The following DNAJA4 variants were observed in gnomAD, a reference collection of about 807,000 sequenced individuals.
The protein encoded by DNAJA4 is dnaJ homolog subfamily A member 4.
A neutral mutation model predicts 39.7 loss-of-function variants in DNAJA4; 32 were observed. That is an observed-to-expected ratio of 0.81 (90% CI 0.61 to 1.08). The LOEUF (loss-of-function observed/expected upper bound fraction) is 1.08. Among genes scored for constraint, DNAJA4 ranks in the 50% least tolerant of loss-of-function variants. The pLI is 0.00. For synonymous variants in DNAJA4, 184 were observed against 182.4 expected, an observed-to-expected ratio of 1.01 and a Z score of -0.07; for missense variants, 439 against 505.1, an observed-to-expected ratio of 0.87 and a Z score of 1.25.
At chr15:78,275,461 G>A in intron 4 of DNAJA4, 37 bp from the exon 5 acceptor site, 1 of 1,535,574 alleles carries the variant, frequency 6.5e-7, no homozygotes, top group Non-Finnish European at 9.0e-7. Flanking sequence ...TGGTTTGTAT[G>A]AGAAATGGCT....
chr15:78,271,634 C>T (rs1020599250), intron 2 of DNAJA4, among the ~76,000 whole-genome samples: 37 of 152,320 alleles, frequency 2.4e-4, no homozygotes, highest in Admixed American at 2.4e-3. Context: ...CTCAATGGCC[C>T]CAGGCCACTG....
Position 78,280,749 on chromosome 15 carries a change from T to C in DNAJA4, c.*289T>C. 1 of 287,506 alleles carries C rather than the reference T, an allele frequency of 3.5e-6. No individual in the cohort carries two copies. The highest frequency in any genetic ancestry group is 6.5e-6 in the Non-Finnish European group (1 of 153,328). The allele number at this position is 287,506 out of a possible 1,614,324, so 17.8% of individuals were successfully genotyped here. A position where few individuals can be genotyped will look rare whatever the true frequency, so the allele number is the denominator to read the frequency against. Reference sequence around the variant, plus strand: ...GAGATGTCAGTGATTGCACCAATACTTTGTGCTTCTAGTGGCTTTGCCATA... The same window carrying C: ...GAGATGTCAGTGATTGCACCAATACCTTGTGCTTCTAGTGGCTTTGCCATA... On this transcript the variant is annotated 3_prime_UTR_variant, in exon 7 of 7. Transcript: ENST00000394852.
At chr15:78,271,570 G>A (rs554854930) in intron 2 of DNAJA4, among the ~76,000 whole-genome samples, 3 of 152,338 alleles carry the variant, frequency 2.0e-5, no homozygotes, top group African/African-American at 7.2e-5. Flanking sequence ...AATGCATTAT[G>A]AGTAGTAGCA....
chr15:78,270,373 A>G (rs2049259925), intron 1 of DNAJA4, 124 bp from the exon 2 acceptor site: 1 of 976,066 alleles, frequency 1.0e-6, no homozygotes, highest in Admixed American at 2.3e-5. Context: ...GAGGATGTAT[A>G]GACTGGCTAG....
At position 78,280,356 on chromosome 15, in the gene DNAJA4, C is replaced by A. The variant is rs747653844; in HGVS notation, c.1090C>A (p.Leu364Met). The change falls in exon 7 of 7, where the codon CTG becomes ATG. Residue 364 changes from leucine (L) to methionine (M), a missense_variant. Transcript: ENST00000394852. ...RITDDMDQVE[L>M]KEFCPNEQNW... ...TACAGATGACATGGATCAGGTGGAG[C>A]TGAAGGAGTTTTGTCCCAATGAGCA... 1.8e-5 allele frequency: 29 copies of A among 1,614,102 alleles called. No homozygotes were observed. Among genetic ancestry groups the A allele is most frequent in the Middle Eastern group, 3.3e-4 (2 of 6,084 alleles).
intron 1 of DNAJA4, 77 bp downstream of exon 1, chr15:78,264,972 G>A (rs879818375): frequency 2.8e-6 from 4 of 1,420,822 alleles, no homozygotes; most frequent in Non-Finnish European, 2.8e-6. Flanking sequence ...GAAGGCGACG[G>A]GAAACCTGAG....
upstream of DNAJA4, chr15:78,264,434 G>A (rs561105081): frequency 8.2e-3 from 10,946 of 1,336,710 alleles, 61 homozygotes; most frequent in Middle Eastern, 0.03. Context: ...CGGGGGTCTG[G>A]GCCGCGAACC....
intron 2 of DNAJA4, 28 bp downstream of exon 2, chr15:78,270,705 A>G (rs1004030420): frequency 1.2e-6 from 2 of 1,603,052 alleles, no homozygotes; most frequent in Non-Finnish European, 8.5e-7. Context: ...AACATAAATA[A>G]GTTGTATGGT....
chr15:78,266,895 A>G lies in DNAJA4; in HGVS notation c.132+2000A>G, dbSNP rs151295177. Among the ~76,000 whole-genome samples, 99 of 152,262 alleles carry G rather than the reference A, an allele frequency of 6.5e-4. 3 individuals are homozygous for G. The highest frequency in any genetic ancestry group is 2.3e-3 in the African/African-American group (97 of 41,540). ...TTTAAAAAATTGTGTGTAGGAGGAG[A>G]GGGCCCTATAAAGGCACAAATTGGA... is the stretch of plus-strand genomic sequence containing the variant. On this transcript the variant is annotated intron_variant, in intron 1 of 6. Coordinates refer to ENST00000394852, the MANE Select transcript of DNAJA4 (RefSeq NM_001130182.2).
chr15:78,272,422 T>G (rs553077959), intron 2 of DNAJA4, among the ~76,000 whole-genome samples: 1 of 152,350 alleles, frequency 6.6e-6, no homozygotes, highest in African/African-American at 2.4e-5. Context: ...ATGCCCTTAA[T>G]TAAGTCATCT....
intron 3 of DNAJA4, 74 bp downstream of exon 3, chr15:78,273,273 C>T: frequency 1.0e-6 from 1 of 957,372 alleles, no homozygotes; most frequent in Non-Finnish European, 1.7e-6. Context: ...TTTTATAGTT[C>T]AGGGAAAATA....
In DNAJA4 at chr15:78,270,524, G is replaced by A. The variant is rs531705964; in HGVS notation, c.160G>A (p.Val54Met). 1.9e-6 allele frequency: 3 copies of A among 1,614,066 alleles called. No homozygotes were observed. The highest frequency in any genetic ancestry group is 2.5e-6 in the Non-Finnish European group (3 of 1,179,992). The change falls in exon 2 of 7, where the codon GTG (valine) becomes ATG (methionine). Residue 54 changes from valine (V) to methionine (M), a missense_variant. Coordinates refer to ENST00000394852, the MANE Select transcript of DNAJA4 (RefSeq NM_001130182.2). ...TAAACTCATATCCCAGGCATATGAA[G>A]TGCTTTCAGATCCAAAGAAAAGGGA... ...KFKLISQAYE[V>M]LSDPKKRDVY...
chr15:78,264,803 A>C lies in DNAJA4; in HGVS notation c.40A>C (p.Lys14Gln), dbSNP rs2049072738. Residue 14 changes from lysine (K) to glutamine (Q), a missense_variant, in exon 1 of 7, where the codon AAG (lysine) becomes CAG (glutamine). Transcript: ENST00000394852. Reference protein sequence around the residue: ...ETQYYDILGVKPSASPEEIKK... With the variant: ...ETQYYDILGVQPSASPEEIKK... ...CCAGTACTATGACATCCTGGGCGTG[A>C]AGCCCAGCGCGTCCCCGGAGGAGAT... is the stretch of plus-strand genomic sequence containing the variant. 6.2e-7 allele frequency: 1 copy of C among 1,610,072 alleles called. No individual in the cohort carries two copies. The highest frequency in any genetic ancestry group is 8.5e-7 in the Non-Finnish European group (1 of 1,178,138).
At chr15:78,272,917 G>C (rs1471918133) in intron 2 of DNAJA4, among the ~76,000 whole-genome samples, 178 bp from the exon 3 acceptor site, 1 of 152,214 alleles carries the variant, frequency 6.6e-6, no homozygotes, top group Admixed American at 6.5e-5. Flanking sequence ...TATTGGCTGA[G>C]GGCCAGAAGG....
Position 78,280,450 on chromosome 15 carries a change from A to G in DNAJA4, c.1184A>G (p.Gln395Arg). ...GGGCCCCAGGCTGGAGTGCAGTGCC[A>G]GACGGCATGACGTGGTGCGGGGCAG... The part of the protein sequence containing the change: ...EDGPQAGVQC[Q>R]TA The change falls in exon 7 of 7, where the codon CAG becomes CGG. Residue 395 changes from glutamine (Q) to arginine (R), a missense_variant. Coordinates refer to ENST00000394852, the MANE Select transcript of DNAJA4 (RefSeq NM_001130182.2). The G allele has an allele frequency of 1.2e-6, 2 of 1,610,134 alleles. No individual in the cohort carries two copies. The highest frequency in any genetic ancestry group is 1.7e-6 in the Non-Finnish European group (2 of 1,178,460).
In DNAJA4 at chr15:78,280,503, G is replaced by A. The variant is rs187860413; in HGVS notation, c.*43G>A. The A allele has an allele frequency of 7.2e-4, 1,080 of 1,510,060 alleles. 9 individuals are homozygous for A. The highest frequency in any genetic ancestry group is 1.7e-4 in the Non-Finnish European group (193 of 1,110,248). 93.5% of individuals were successfully genotyped at this position (1,510,060 alleles called of 1,614,324 possible). A position where few individuals can be genotyped will look rare whatever the true frequency, so the allele number is the denominator to read the frequency against. ...TGGCCCCACCGGACTAGCACATGAT[G>A]AATGTAAAGTTGGCACAATGAAAAT... On this transcript the variant is annotated 3_prime_UTR_variant, in exon 7 of 7. Transcript: ENST00000394852.
chr15:78,265,453 G>T, intron 1 of DNAJA4: 2 of 702,204 alleles, frequency 2.8e-6, no homozygotes, highest in South Asian at 3.0e-5. Flanking sequence ...GTCAGATAGT[G>T]AATAATCCCA....
At chr15:78,267,153 AGTGT>A (rs1567114983) in intron 1 of DNAJA4, among the ~76,000 whole-genome samples, 2 of 147,206 alleles carry the variant, frequency 1.4e-5, no homozygotes, top group Non-Finnish European at 3.0e-5. Flanking sequence ...TGTGTGTGTG[AGTGT>A]GTATGTGAGT....
chr15:78,270,351 A>G (rs3743084), intron 1 of DNAJA4, 146 bp from the exon 2 acceptor site: 245,668 of 784,968 alleles, frequency 0.31, 40,021 homozygotes, highest in East Asian at 0.49. Context: ...CAGGCAAGTC[A>G]GATTCCAGGT....
Sources: gnomAD v4.1 joint callset for allele counts (sites outside exome capture counted in the v4.1 genomes callset) on GRCh38, gnomAD v4.1.1 for gene constraint, MANE v1.5 for transcripts, NCBI Gene and HGNC (gene_info 2026-07-23, HGNC 2026-07-21) for gene names.